The following CSMD3 variants were observed in gnomAD, a reference collection of about 807,000 sequenced individuals.
CSMD3 encodes the protein CUB and sushi domain-containing protein 3.
Under a neutral mutation model 435.2 loss-of-function variants are expected in CSMD3, and 177 were observed. The observed-to-expected ratio is 0.41, with a 90% CI of 0.36 to 0.46. The LOEUF (loss-of-function observed/expected upper bound fraction) is 0.46, where lower values mean the gene tolerates loss of function less well. CSMD3 is among the 20% of genes least tolerant of loss of function. The probability of loss-of-function intolerance (pLI) is 0.34; values close to 1 mark genes in which losing one functional copy is unlikely to be tolerated. For synonymous variants in CSMD3, 1,656 were observed against 1,520.5 expected (o/e 1.09, Z -2.07); for missense variants, 4,265 against 4,504.6 (o/e 0.95, Z 1.52).
intron 23 of CSMD3, among the ~76,000 whole-genome samples, chr8:112,576,342 TA>T (rs1409163054): frequency 6.6e-6 from 1 of 152,012 alleles, no homozygotes; most frequent in African/African-American, 2.4e-5. Context: ...TATAACAATG[TA>T]AAAACTAACA....
At chr8:112,353,184 A>G (rs1051378440) in intron 38 of CSMD3, among the ~76,000 whole-genome samples, 1 of 152,128 alleles carries the variant, frequency 6.6e-6, no homozygotes, top group Admixed American at 6.5e-5. Context: ...TGTGGTCAGG[A>G]GTTTGAGACC....
intron 32 of CSMD3, among the ~76,000 whole-genome samples, chr8:112,460,264 A>G (rs1011305525): frequency 1.2e-4 from 19 of 152,126 alleles, no homozygotes; most frequent in Non-Finnish European, 2.6e-4. Context: ...AAATTAGTGA[A>G]TAATTGCCAC....
At chr8:113,155,226 G>A (rs1363379380) in intron 4 of CSMD3, among the ~76,000 whole-genome samples, 4 of 151,844 alleles carry the variant, frequency 2.6e-5, no homozygotes, top group East Asian at 3.9e-4. Context: ...TGTAAAAATC[G>A]CCCTAATCAA....
chr8:113,179,280 A>C (rs1434230964), intron 3 of CSMD3, among the ~76,000 whole-genome samples: 1 of 151,804 alleles, frequency 6.6e-6, no homozygotes, highest in Admixed American at 6.6e-5. Context: ...TTAACTCAAT[A>C]AATTGCAGTT....
Position 112,991,718 on chromosome 8 carries a change from A to C in CSMD3, c.1031-15570T>G, listed in dbSNP as rs532563524. ...TGTAGAAAACAAAAGATGAGACACAAAAATATTATTATGTGATACTAAATT... is the reference window on the plus strand; with the variant it reads ...TGTAGAAAACAAAAGATGAGACACACAAATATTATTATGTGATACTAAATT... On this transcript the variant is annotated intron_variant, in intron 6 of 70. Coordinates refer to ENST00000297405, the MANE Select transcript of CSMD3 (RefSeq NM_198123.2). 1.6e-4 allele frequency among the ~76,000 whole-genome samples: 25 copies of C among 152,032 alleles called. No homozygotes were observed. The South Asian group carries it at 5.0e-3, about 30-fold the overall frequency.
intron 27 of CSMD3, among the ~76,000 whole-genome samples, chr8:112,541,504 A>G (rs184530112): frequency 1.8e-4 from 28 of 151,966 alleles, no homozygotes; most frequent in Non-Finnish European, 3.7e-4. Flanking sequence ...ACTTAGGAAA[A>G]AAAGTGGACA....
chr8:112,542,763 G>A (rs1826800649), intron 27 of CSMD3, among the ~76,000 whole-genome samples: 1 of 152,026 alleles, frequency 6.6e-6, no homozygotes, highest in Admixed American at 6.6e-5. Context: ...AGTCAAATCA[G>A]TTTTGCAAAA....
intron 3 of CSMD3, among the ~76,000 whole-genome samples, chr8:113,181,967 A>G (rs2092427545): frequency 6.6e-6 from 1 of 152,060 alleles, no homozygotes; most frequent in Non-Finnish European, 1.5e-5. Context: ...GATCATGGAT[A>G]ATTTACTGGA....
intron 22 of CSMD3, among the ~76,000 whole-genome samples, chr8:112,612,691 ACT>A (rs1346740455): frequency 7.3e-6 from 1 of 137,284 alleles, no homozygotes; most frequent in African/African-American, 2.7e-5. Flanking sequence ...ACATTTCTGA[ACT>A]CTTTCTTTCT....
Position 113,191,800 on chromosome 8 carries a change from G to A in CSMD3, c.515-17884C>T, listed in dbSNP as rs993825584. On this transcript the variant is annotated intron_variant, in intron 3 of 70. Coordinates refer to ENST00000297405, the MANE Select transcript of CSMD3 (RefSeq NM_198123.2). ...AGTAATAAGATTGCTGGGTCAAATGGTAGTTCTAAGTTCTTTGAGAACTCT... is the reference window on the plus strand; with the variant it reads ...AGTAATAAGATTGCTGGGTCAAATGATAGTTCTAAGTTCTTTGAGAACTCT... 5.9e-5 allele frequency among the ~76,000 whole-genome samples: 9 copies of A among 151,618 alleles called. No homozygotes were observed. In the Admixed American group the frequency reaches 5.9e-4, roughly 10 times the overall value.
chr8:113,005,799 TG>T (rs2086034966), intron 6 of CSMD3, among the ~76,000 whole-genome samples: 1 of 152,076 alleles, frequency 6.6e-6, no homozygotes, highest in Admixed American at 6.6e-5. Context: ...ATTTGAAGTG[TG>T]TAGGCTTTTT....
intron 4 of CSMD3, among the ~76,000 whole-genome samples, chr8:113,132,984 G>A (rs558375888): frequency 1.3e-5 from 2 of 151,942 alleles, no homozygotes; most frequent in Non-Finnish European, 2.9e-5. Context: ...GTCATTATCA[G>A]GATGATGGAT....
chr8:113,360,206 T>A (rs1019272448), intron 1 of CSMD3, among the ~76,000 whole-genome samples: 2 of 152,164 alleles, frequency 1.3e-5, no homozygotes, highest in Non-Finnish European at 2.9e-5. Flanking sequence ...TCAAAACTCA[T>A]AGAGGCAGTC....
intron 9 of CSMD3, among the ~76,000 whole-genome samples, chr8:112,942,315 C>T (rs1356623315): frequency 4.0e-5 from 6 of 150,632 alleles, no homozygotes; most frequent in Admixed American, 6.7e-5. Flanking sequence ...TTTGCAATTT[C>T]TCAAAGAACT....
At chr8:113,253,922 A>G (rs1262265001) in intron 3 of CSMD3, among the ~76,000 whole-genome samples, 1 of 152,120 alleles carries the variant, frequency 6.6e-6, no homozygotes, top group Non-Finnish European at 1.5e-5. Flanking sequence ...TCTTATCCTA[A>G]CATGTAGTTA....
At chr8:112,919,434 A>G (rs1332031263) in intron 10 of CSMD3, among the ~76,000 whole-genome samples, 1 of 151,926 alleles carries the variant, frequency 6.6e-6, no homozygotes, top group African/African-American at 2.4e-5. Flanking sequence ...TTTTTAATCA[A>G]AATGAGAGTC....
chr8:112,277,256 A>T (rs754352583), intron 59 of CSMD3, among the ~76,000 whole-genome samples: 5 of 152,132 alleles, frequency 3.3e-5, no homozygotes, highest in Non-Finnish European at 7.3e-5. Context: ...TTTGCTGCTT[A>T]GACATTTCTT....
intron 5 of CSMD3, among the ~76,000 whole-genome samples, chr8:113,094,552 C>T (rs2090104507): frequency 6.6e-6 from 1 of 152,164 alleles, no homozygotes; most frequent in African/African-American, 2.4e-5. Flanking sequence ...AATAAAAATT[C>T]TTCTCACGCT....
At chr8:112,329,423 C>T (rs1823825028) in intron 45 of CSMD3, among the ~76,000 whole-genome samples, 1 of 152,026 alleles carries the variant, frequency 6.6e-6, no homozygotes, top group South Asian at 2.1e-4. Flanking sequence ...TATTCCATTC[C>T]CCCCCACCTT....
Sources: gnomAD v4.1 joint callset for allele counts (sites outside exome capture counted in the v4.1 genomes callset) on GRCh38, gnomAD v4.1.1 for gene constraint, MANE v1.5 for transcripts, NCBI Gene and HGNC (gene_info 2026-07-23, HGNC 2026-07-21) for gene names.